Variants in JARID2 observed in about 807,000 individuals in gnomAD.
The protein encoded by JARID2 is jumonji and AT-rich interaction domain containing 2.
In JARID2, 21 loss-of-function variants were observed where a neutral mutation model predicts 125.6. That is an observed-to-expected ratio of 0.17 (90% CI 0.12 to 0.24). JARID2 has a LOEUF of 0.24. JARID2 is among the 10% of genes least tolerant of loss of function. The pLI is 1.00. For missense variants in JARID2, 1,303 were observed against 1,639.6 expected (o/e 0.79, Z 3.55); for synonymous variants, 736 against 661.6 (o/e 1.11, Z -1.73).
intron 1 of JARID2, among the ~76,000 whole-genome samples, chr6:15,319,500 C>A (rs531207975): frequency 6.6e-6 from 1 of 152,086 alleles, no homozygotes; most frequent in Non-Finnish European, 1.5e-5. Flanking sequence ...CGTGTTCAAG[C>A]GATTCTTGTG....
intron 3 of JARID2, among the ~76,000 whole-genome samples, chr6:15,442,134 AG>A (rs1235885364): frequency 2.0e-5 from 3 of 151,816 alleles, no homozygotes; most frequent in East Asian, 3.9e-4. Context: ...GAAGTAAAAC[AG>A]GATTCTCGCC....
At position 15,496,590 on chromosome 6, in the gene JARID2, G is replaced by GC; in HGVS notation, c.1371dup (p.Lys458GlnfsTer66). 2 of 1,601,386 alleles carry GC rather than the reference G, an allele frequency of 1.2e-6. No homozygotes were observed. Among genetic ancestry groups the GC allele is most frequent in the Non-Finnish European group, 1.7e-6 (2 of 1,175,568 alleles). The stretch of plus-strand genomic sequence containing the variant: ...CACACCAGGCGGAGAAGCCGCAGTC[G>GC]CCCCCCAAGAAGATGAAAGGGGCGG... On this transcript the variant is annotated frameshift_variant, in exon 7 of 18. Coordinates refer to ENST00000341776, the MANE Select transcript of JARID2 (RefSeq NM_004973.4). LOFTEE classifies it high-confidence loss of function.
Position 15,416,451 on chromosome 6 carries a change from C to T in JARID2, c.323+6086C>T, listed in dbSNP as rs554106166. Among the ~76,000 whole-genome samples the T allele has an allele frequency of 8.2e-3, 1,251 of 152,180 alleles. 9 individuals are homozygous for T. Among genetic ancestry groups the T allele is most frequent in the Middle Eastern group, 0.024 (7 of 294 alleles). On this transcript the variant is annotated intron_variant, in intron 3 of 17. Transcript: ENST00000341776. ...CTGCAATCCCGGCACCTCGGGAGGC[C>T]GAGGCTGGCGGATCACTCGCGGTTA... is the stretch of plus-strand genomic sequence containing the variant.
intron 1 of JARID2, among the ~76,000 whole-genome samples, chr6:15,252,829 T>C (rs1280252714): frequency 5.3e-5 from 8 of 152,178 alleles, no homozygotes; most frequent in Non-Finnish European, 1.0e-4. Flanking sequence ...CAATTGCTTT[T>C]CCAGGCCCCC....
intron 3 of JARID2, among the ~76,000 whole-genome samples, chr6:15,444,764 A>G (rs1369303741): frequency 1.5e-4 from 21 of 136,664 alleles, no homozygotes; most frequent in East Asian, 2.2e-4. Context: ...TTTTGAATGA[A>G]CAGACCCTCC....
intron 1 of JARID2, chr6:15,369,357 G>T: frequency 4.8e-6 from 2 of 420,946 alleles, no homozygotes; most frequent in Non-Finnish European, 9.6e-6. Flanking sequence ...CTGACCAATT[G>T]CTCTTTTTGA....
rs796220147 is a variant in JARID2 at position 15,513,118 on chromosome 6, C to A, written c.3266+73C>A. The stretch of plus-strand genomic sequence containing the variant: ...TTCGGGGGCTCACCCCCCGAGCAGG[C>A]CTCACTTCCTGACAGGAGGGTGTGT... On this transcript the variant is annotated intron_variant, in intron 15 of 17. Coordinates refer to ENST00000341776, the MANE Select transcript of JARID2 (RefSeq NM_004973.4). 5.0e-6 allele frequency: 8 copies of A among 1,602,644 alleles called. No homozygotes were observed. The African/African-American group carries it at 8.0e-5, about 16-fold the overall frequency.
In JARID2 at chr6:15,385,715, C is replaced by T. The variant is rs186640728; in HGVS notation, c.181+11463C>T. Among the ~76,000 whole-genome samples, 556 of 152,182 alleles carry T rather than the reference C, an allele frequency of 3.7e-3. 1 individual carries two copies. Among genetic ancestry groups the T allele is most frequent in the Non-Finnish European group, 5.6e-3 (382 of 68,000 alleles). On this transcript the variant is annotated intron_variant, in intron 2 of 17. Transcript: ENST00000341776. ...CAGTGGCCCACCTGCATGCCACCCA[C>T]GTCTCTGCCGCCCCCTTTCCAGCAC...
chr6:15,284,995 T>TTTCA (rs1433073091), intron 1 of JARID2, among the ~76,000 whole-genome samples: 1 of 152,144 alleles, frequency 6.6e-6, no homozygotes, highest in Non-Finnish European at 1.5e-5. Context: ...CTCTCATCTG[T>TTTCA]TGTACATATT....
chr6:15,335,117 C>G (rs1457992410), intron 1 of JARID2, among the ~76,000 whole-genome samples: 1 of 151,504 alleles, frequency 6.6e-6, no homozygotes. Context: ...CTTCTTCTTT[C>G]CAGAGACAGT....
chr6:15,496,948 G>C lies in JARID2; in HGVS notation c.1723G>C (p.Glu575Gln). 6.2e-7 allele frequency: 1 copy of C among 1,608,108 alleles called. No individual in the cohort carries two copies. The highest frequency in any genetic ancestry group is 8.5e-7 in the Non-Finnish European group (1 of 1,175,584). The change falls in exon 7 of 18, where the codon GAG becomes CAG. Residue 575 changes from glutamate to glutamine, a missense_variant. Physicochemically the swap from Glu to Gln is conservative, Grantham distance 29. Around this residue, in one of 11 missense-constraint regions of JARID2, gnomAD observed 651 missense variants for 581.6 expected, o/e 1.12. Transcript: ENST00000341776. ...KEFHDPLIYI[E>Q]SVRAQVEKFG... ...GTTCCACGATCCGCTCATCTACATC[G>C]AGTCGGTCCGCGCTCAGGTGGAGAA... is the stretch of plus-strand genomic sequence containing the variant.
At chr6:15,439,407 C>G (rs1581566842) in intron 3 of JARID2, among the ~76,000 whole-genome samples, 3 of 152,296 alleles carry the variant, frequency 2.0e-5, no homozygotes, top group Admixed American at 2.0e-4. Flanking sequence ...GATCACCCTT[C>G]CCTCTGTTTT....
intron 2 of JARID2, among the ~76,000 whole-genome samples, chr6:15,399,468 A>G (rs546538301): frequency 2.6e-5 from 4 of 152,102 alleles, no homozygotes; most frequent in South Asian, 2.1e-4. Context: ...ACTAAGGAGG[A>G]CCATCATCTA....
chr6:15,483,440 G>T (rs923145733), intron 5 of JARID2, among the ~76,000 whole-genome samples: 1 of 151,492 alleles, frequency 6.6e-6, no homozygotes, highest in Admixed American at 6.6e-5. Context: ...ATGCATATTA[G>T]ACTAGTGTAT....
At chr6:15,475,677 G>A (rs951599732) in intron 5 of JARID2, among the ~76,000 whole-genome samples, 1 of 152,194 alleles carries the variant, frequency 6.6e-6, no homozygotes, top group African/African-American at 2.4e-5. Flanking sequence ...AGCAAAACAC[G>A]AGCTGTGCTT....
At chr6:15,259,138 A>G (rs764094088) in intron 1 of JARID2, among the ~76,000 whole-genome samples, 20 of 152,208 alleles carry the variant, frequency 1.3e-4, no homozygotes, top group Non-Finnish European at 8.8e-5. Context: ...CAGTGTGACT[A>G]AGAAGCAGCA....
intron 17 of JARID2, among the ~76,000 whole-genome samples, chr6:15,519,084 A>C (rs903981803): frequency 2.6e-5 from 4 of 152,150 alleles, no homozygotes; most frequent in Non-Finnish European, 4.4e-5. Context: ...CTAGTGTGAG[A>C]GCACTGGTCT....
At chr6:15,352,115 A>C (rs977544104) in intron 1 of JARID2, among the ~76,000 whole-genome samples, 2 of 152,076 alleles carry the variant, frequency 1.3e-5, no homozygotes, top group Admixed American at 6.6e-5. Context: ...CTAGCTCTTC[A>C]TTGCAGGCTT....
chr6:15,467,873 A>T (rs1456309865), intron 4 of JARID2, among the ~76,000 whole-genome samples: 1 of 152,198 alleles, frequency 6.6e-6, no homozygotes, highest in East Asian at 1.9e-4. Context: ...AGAACCTTTG[A>T]GGATGAGAGG....
Sources: gnomAD v4.1 joint callset for allele counts (sites outside exome capture counted in the v4.1 genomes callset) on GRCh38, gnomAD v4.1.1 for gene constraint, gnomAD v4.1.1 regional missense constraint, MANE v1.5 for transcripts, NCBI Gene and HGNC (gene_info 2026-07-23, HGNC 2026-07-21) for gene names.